Variants in PAK5 observed in about 807,000 individuals in gnomAD.
PAK5 encodes serine/threonine-protein kinase PAK 5.
A neutral mutation model predicts 65.9 loss-of-function variants in PAK5; 16 were observed. The ratio of observed to expected loss-of-function variants is 0.24; its 90% CI spans 0.16 to 0.37. PAK5 has a LOEUF of 0.37. PAK5 is among the 10% of genes least tolerant of loss of function. PAK5 has a pLI of 1.00. For missense variants in PAK5, 785 were observed against 903.9 expected, an observed-to-expected ratio of 0.87 and a Z score of 1.69; for synonymous variants, 371 against 354.9, an observed-to-expected ratio of 1.05 and a Z score of -0.51.
chr20:9,735,590 G>A (rs115805611), intron 1 of PAK5, among the ~76,000 whole-genome samples: 33 of 152,172 alleles, frequency 2.2e-4, no homozygotes, highest in African/African-American at 7.7e-4. Flanking sequence ...CAGATTGAGC[G>A]CTGCCCTAGT....
Position 9,615,447 on chromosome 20 carries a change from C to T in PAK5, c.204+28678G>A, listed in dbSNP as rs576489666. 5.9e-5 allele frequency among the ~76,000 whole-genome samples: 9 copies of T among 152,264 alleles called. No individual in the cohort carries two copies. In the East Asian group the frequency reaches 1.5e-3, roughly 26 times the overall value. On this transcript the variant is annotated intron_variant, in intron 3 of 9. Transcript: ENST00000353224. ...CAGGGGGCATATGGAAATCTCTGTA[C>T]TTTCCACTTAATTTTGCAGTGAACC...
intron 1 of PAK5, among the ~76,000 whole-genome samples, chr20:9,769,711 T>C (rs752164475): frequency 6.6e-6 from 1 of 152,212 alleles, no homozygotes; most frequent in Non-Finnish European, 1.5e-5. Context: ...AGAGAGCAAA[T>C]TGAAATGCTC....
intron 2 of PAK5, among the ~76,000 whole-genome samples, chr20:9,675,251 G>A (rs1386776101): frequency 1.3e-5 from 2 of 152,110 alleles, no homozygotes; most frequent in African/African-American, 4.8e-5. Flanking sequence ...AAAAATAAAA[G>A]AGGAGAAGAG....
intron 1 of PAK5, among the ~76,000 whole-genome samples, chr20:9,750,262 T>A (rs2048560191): frequency 6.6e-6 from 1 of 152,122 alleles, no homozygotes; most frequent in African/African-American, 2.4e-5. Context: ...ATAGTCTAAT[T>A]CTATTTAACA....
chr20:9,795,766 G>A (rs1159140836), intron 1 of PAK5, among the ~76,000 whole-genome samples: 4 of 151,966 alleles, frequency 2.6e-5, no homozygotes, highest in African/African-American at 9.7e-5. Context: ...ACTCTGTATT[G>A]CCATTACCTG....
At chr20:9,777,981 G>A (rs988202676) in intron 1 of PAK5, among the ~76,000 whole-genome samples, 1 of 152,204 alleles carries the variant, frequency 6.6e-6, no homozygotes, top group African/African-American at 2.4e-5. Flanking sequence ...ATGGGCATGA[G>A]AATGAGGAAA....
At chr20:9,677,272 G>T (rs2047587910) in intron 2 of PAK5, among the ~76,000 whole-genome samples, 1 of 152,070 alleles carries the variant, frequency 6.6e-6, no homozygotes, top group Admixed American at 6.6e-5. Flanking sequence ...ATTCTAATAG[G>T]ATGCATCACA....
chr20:9,741,159 T>C (rs577470788), intron 1 of PAK5, among the ~76,000 whole-genome samples: 1 of 152,272 alleles, frequency 6.6e-6, no homozygotes, highest in East Asian at 1.9e-4. Context: ...GTCTGCAAAG[T>C]TGAAAGACAG....
intron 1 of PAK5, among the ~76,000 whole-genome samples, chr20:9,732,554 C>T (rs1229703271): frequency 2.6e-5 from 4 of 152,162 alleles, no homozygotes; most frequent in Non-Finnish European, 5.9e-5. Flanking sequence ...ACTGCCAGGT[C>T]TTTGTGATAA....
chr20:9,776,175 A>G (rs2048885219), intron 1 of PAK5, among the ~76,000 whole-genome samples: 1 of 152,222 alleles, frequency 6.6e-6, no homozygotes, highest in Admixed American at 6.5e-5. Flanking sequence ...CACAGGTGAC[A>G]GATGAGGAAA....
At chr20:9,685,318 T>G (rs1175947776) in intron 2 of PAK5, among the ~76,000 whole-genome samples, 1 of 152,206 alleles carries the variant, frequency 6.6e-6, no homozygotes, top group Non-Finnish European at 1.5e-5. Flanking sequence ...AATGTGACTT[T>G]ATTTGGAAAT....
At chr20:9,823,015 A>T (rs768808817) in intron 1 of PAK5, among the ~76,000 whole-genome samples, 46 of 152,374 alleles carry the variant, frequency 3.0e-4, no homozygotes, top group Non-Finnish European at 4.3e-4. Flanking sequence ...GTTGGAACTT[A>T]AACCTGAAGG....
chr20:9,580,577 CTTCACCTCA>C lies in PAK5; in HGVS notation c.549_557del (p.Glu184_Lys186del), dbSNP rs1568977486. 6.2e-7 allele frequency: 1 copy of C among 1,614,108 alleles called. No individual in the cohort carries two copies. Among genetic ancestry groups the C allele is most frequent in the East Asian group, 2.2e-5 (1 of 44,880 alleles). On this transcript the variant is annotated inframe_deletion, in exon 4 of 10. Transcript: ENST00000353224. ...ATCTGGCAAAATCGGATTTCAAAGGCTTCACCTCAGAATAGTAGGCCTCCCCGTGCTTCA... is the reference window on the plus strand; with the variant it reads ...ATCTGGCAAAATCGGATTTCAAAGGCGAATAGTAGGCCTCCCCGTGCTTCA...
intron 6 of PAK5, 114 bp from the exon 7 acceptor site, chr20:9,557,848 A>G: frequency 2.9e-6 from 2 of 701,632 alleles, no homozygotes; most frequent in South Asian, 2.7e-5. Context: ...TCCAGCCCAT[A>G]TCTGAAAAAC....
At chr20:9,574,552 A>G (rs1259497962) in intron 4 of PAK5, among the ~76,000 whole-genome samples, 1 of 152,214 alleles carries the variant, frequency 6.6e-6, no homozygotes, top group Non-Finnish European at 1.5e-5. Flanking sequence ...AGGGCCTCTG[A>G]GAGAGCTAGG....
rs1032023796 is a variant in PAK5 at position 9,678,439 on chromosome 20, C to T, written c.-12+32847G>A. ...AAAATTAGCCGGGCATTGTGGCAGG[C>T]GCCTGTAGTCCCAGCTACGCAGGAG... On this transcript the variant is annotated intron_variant, in intron 2 of 9. Transcript: ENST00000353224. Among the ~76,000 whole-genome samples the T allele has an allele frequency of 4.3e-4, 66 of 152,156 alleles. No individual in the cohort carries two copies. In the East Asian group the frequency reaches 0.012, roughly 27 times the overall value.
At chr20:9,611,037 C>G (rs1021068878) in intron 3 of PAK5, among the ~76,000 whole-genome samples, 46 of 152,236 alleles carry the variant, frequency 3.0e-4, no homozygotes, top group African/African-American at 1.1e-3. Context: ...TGATCCTAGA[C>G]TTCCAGCCTC....
Position 9,644,291 on chromosome 20 carries a change from C to T in PAK5, c.38G>A (p.Gly13Asp), listed in dbSNP as rs549205397. 1.9e-6 allele frequency: 3 copies of T among 1,607,944 alleles called. No homozygotes were observed. Among genetic ancestry groups the T allele is most frequent in the African/African-American group, 2.7e-5 (2 of 74,476 alleles). ...GKKKKKIEIS[G>D]PSNFEHRVHT... ...AACCCTGTGTTCAAAGTTGGACGGGCCAGATATTTCAATCTTTTTCTTTTT... is the reference window on the plus strand; with the variant it reads ...AACCCTGTGTTCAAAGTTGGACGGGTCAGATATTTCAATCTTTTTCTTTTT... The change falls in exon 3 of 10, where the codon GGC becomes GAC. Residue 13 changes from glycine (G) to aspartate (D), a missense_variant. Around this residue, in one of 4 missense-constraint regions of PAK5, gnomAD observed 71 missense variants for 110.2 expected, o/e 0.64. Coordinates refer to ENST00000353224, the MANE Select transcript of PAK5 (RefSeq NM_177990.4).
chr20:9,755,324 G>GA (rs1303255871), intron 1 of PAK5, among the ~76,000 whole-genome samples: 1 of 152,096 alleles, frequency 6.6e-6, no homozygotes, highest in Non-Finnish European at 1.5e-5. Flanking sequence ...AATACACTTT[G>GA]AAAACATCAA....
Sources: gnomAD v4.1 joint callset for allele counts (sites outside exome capture counted in the v4.1 genomes callset) on GRCh38, gnomAD v4.1.1 for gene constraint, gnomAD v4.1.1 regional missense constraint, MANE v1.5 for transcripts, NCBI Gene and HGNC (gene_info 2026-07-23, HGNC 2026-07-21) for gene names.